Variants in CSMD3 observed in about 807,000 individuals in gnomAD.
CSMD3 encodes the protein CUB and sushi domain-containing protein 3.
A neutral mutation model predicts 435.2 loss-of-function variants in CSMD3; 177 were observed. That is an observed-to-expected ratio of 0.41 (90% CI 0.36 to 0.46). CSMD3 has a LOEUF of 0.46. CSMD3 is among the 20% of genes least tolerant of loss of function. The probability of loss-of-function intolerance (pLI) is 0.34; values close to 1 mark genes in which losing one functional copy is unlikely to be tolerated. For synonymous variants in CSMD3, 1,656 were observed against 1,520.5 expected (o/e 1.09, Z -2.07); for missense variants, 4,265 against 4,504.6 (o/e 0.95, Z 1.52).
chr8:112,942,636 C>T (rs899822040), intron 9 of CSMD3, among the ~76,000 whole-genome samples: 1 of 151,770 alleles, frequency 6.6e-6, no homozygotes, highest in Non-Finnish European at 1.5e-5. Context: ...CAAGTGTTCT[C>T]ACTTACAAGT....
chr8:112,958,554 G>C (rs1428423182), intron 7 of CSMD3, among the ~76,000 whole-genome samples: 2 of 152,034 alleles, frequency 1.3e-5, no homozygotes, highest in Admixed American at 1.3e-4. Flanking sequence ...TTGTCTTCAA[G>C]ATCAATATAA....
chr8:112,958,258 T>C (rs944722313), intron 7 of CSMD3, among the ~76,000 whole-genome samples: 4 of 152,210 alleles, frequency 2.6e-5, no homozygotes, highest in Non-Finnish European at 5.9e-5. Context: ...GATAGGCATA[T>C]GCACAAAGAT....
chr8:112,943,291 C>G (rs1029921312), intron 9 of CSMD3, among the ~76,000 whole-genome samples: 2 of 151,496 alleles, frequency 1.3e-5, no homozygotes, highest in African/African-American at 4.8e-5. Context: ...CTTTCTTTGT[C>G]TTCACAGTGC....
Position 112,982,922 on chromosome 8 carries a change from T to C in CSMD3, c.1031-6774A>G, listed in dbSNP as rs73347957. 2.6e-5 allele frequency among the ~76,000 whole-genome samples: 4 copies of C among 151,970 alleles called. No homozygotes were observed. The Admixed American group carries it at 2.6e-4, about 10-fold the overall frequency. On this transcript the variant is annotated intron_variant, in intron 6 of 70. Coordinates refer to ENST00000297405, the MANE Select transcript of CSMD3 (RefSeq NM_198123.2). Reference sequence around the variant, plus strand: ...ACATCCAAATAATGCAAAACACACTTATAACATACTTTTGTTTTATATTTC... The same window carrying C: ...ACATCCAAATAATGCAAAACACACTCATAACATACTTTTGTTTTATATTTC...
In CSMD3 at chr8:112,281,202, T is replaced by C. The variant is rs2130577500; in HGVS notation, c.9480A>G (p.Thr3160=). 1.2e-6 allele frequency: 2 copies of C among 1,613,218 alleles called. No individual in the cohort carries two copies. Among genetic ancestry groups the C allele is most frequent in the South Asian group, 1.1e-5 (1 of 91,066 alleles). Residue 3160 remains threonine (T), a synonymous_variant, in exon 59 of 71, where the codon ACA becomes ACG. Transcript: ENST00000297405. ...PSVRQCTANG[T]WSGTLPNCTI... is the part of the protein sequence containing the mutation. ...TACAGTTAGGTAAAGTTCCAGACCA[T>C]GTTCCATTGGCTGTGCACTGTCTAA...
chr8:113,311,836 CATT>C (rs2093871673), intron 2 of CSMD3: 1 of 152,046 alleles, frequency 6.6e-6, no homozygotes, highest in African/African-American at 2.4e-5. Context: ...GTGAGCAAAA[CATT>C]AGACTCTAAA....
At chr8:112,993,135 T>A (rs1190307622) in intron 6 of CSMD3, among the ~76,000 whole-genome samples, 1 of 151,616 alleles carries the variant, frequency 6.6e-6, no homozygotes. Context: ...TACTGCGATT[T>A]AAAAAAATAT....
intron 1 of CSMD3, among the ~76,000 whole-genome samples, chr8:113,434,502 T>C (rs1323503869): frequency 6.6e-6 from 1 of 152,172 alleles, no homozygotes; most frequent in Non-Finnish European, 1.5e-5. Context: ...ACAGCAGGTC[T>C]AAAACATAAA....
intron 22 of CSMD3, among the ~76,000 whole-genome samples, chr8:112,624,113 G>T (rs1834294293): frequency 6.6e-6 from 1 of 151,942 alleles, no homozygotes; most frequent in African/African-American, 2.4e-5. Context: ...CATGCACAAA[G>T]AAAAGAATAA....
intron 3 of CSMD3, among the ~76,000 whole-genome samples, chr8:113,243,894 T>C (rs780654799): frequency 2.6e-4 from 39 of 152,210 alleles, no homozygotes; most frequent in Non-Finnish European, 4.9e-4. Context: ...ATTGGTTATT[T>C]TAATATCTTT....
At chr8:112,803,916 G>A (rs1190054606) in intron 12 of CSMD3, among the ~76,000 whole-genome samples, 3 of 152,172 alleles carry the variant, frequency 2.0e-5, no homozygotes, top group African/African-American at 7.2e-5. Context: ...CCACTCATGT[G>A]ATGGAACAAG....
At chr8:112,954,912 C>T in intron 7 of CSMD3, 151 bp from the exon 8 acceptor site, 1 of 612,190 alleles carries the variant, frequency 1.6e-6, no homozygotes, top group Non-Finnish European at 2.9e-6. Context: ...TTTTTTAAAG[C>T]AATATAATCA....
At chr8:113,185,381 ACTC>A in intron 3 of CSMD3, among the ~76,000 whole-genome samples, 1 of 151,952 alleles carries the variant, frequency 6.6e-6, no homozygotes. Flanking sequence ...ATACTGGCTT[ACTC>A]CTCCTTTGGC....
chr8:113,399,006 A>G (rs1452452119), intron 1 of CSMD3, among the ~76,000 whole-genome samples: 1 of 149,614 alleles, frequency 6.7e-6, no homozygotes, highest in Non-Finnish European at 1.5e-5. Flanking sequence ...TGTTGCAGGA[A>G]AAAAAGGAGG....
chr8:113,145,430 A>G (rs1225229348), intron 4 of CSMD3, among the ~76,000 whole-genome samples: 1 of 151,576 alleles, frequency 6.6e-6, no homozygotes, highest in African/African-American at 2.4e-5. Context: ...ACATGGGCCT[A>G]TTTTCAACTG....
intron 27 of CSMD3, among the ~76,000 whole-genome samples, chr8:112,546,668 G>A (rs990434039): frequency 2.0e-5 from 3 of 152,152 alleles, no homozygotes. Context: ...AGTGGAATGA[G>A]ACAGGCAGAT....
At chr8:112,876,398 A>G (rs1275703089) in intron 10 of CSMD3, among the ~76,000 whole-genome samples, 1 of 152,164 alleles carries the variant, frequency 6.6e-6, no homozygotes, top group Non-Finnish European at 1.5e-5. Context: ...TTTCAGGCCA[A>G]TATCCCTGAT....
At chr8:113,275,568 C>T (rs551740620) in intron 3 of CSMD3, among the ~76,000 whole-genome samples, 3 of 151,902 alleles carry the variant, frequency 2.0e-5, no homozygotes, top group East Asian at 1.9e-4. Flanking sequence ...GTAATAAATA[C>T]GGTCTCATAA....
chr8:112,589,818 C>T (rs988506896), intron 22 of CSMD3, among the ~76,000 whole-genome samples: 9 of 152,192 alleles, frequency 5.9e-5, no homozygotes, highest in Non-Finnish European at 8.8e-5. Flanking sequence ...CAAGTCCTAA[C>T]GATCCAACCG....
Sources: gnomAD v4.1 joint callset for allele counts (sites outside exome capture counted in the v4.1 genomes callset) on GRCh38, gnomAD v4.1.1 for gene constraint, MANE v1.5 for transcripts, NCBI Gene and HGNC (gene_info 2026-07-23, HGNC 2026-07-21) for gene names.